Variants in GRIK2 observed in about 807,000 individuals in gnomAD.
GRIK2 encodes the protein glutamate receptor ionotropic, kainate 2.
A neutral mutation model predicts 100.3 loss-of-function variants in GRIK2; 32 were observed. The observed-to-expected ratio is 0.32, with a 90% CI of 0.24 to 0.43. The LOEUF is 0.43. GRIK2 is among the 20% of genes least tolerant of loss of function. The pLI is 1.00. For missense variants in GRIK2, 843 were observed against 1,114.9 expected, an observed-to-expected ratio of 0.76 and a Z score of 3.47; for synonymous variants, 417 against 389.4, an observed-to-expected ratio of 1.07 and a Z score of -0.83.
At chr6:101,586,549 C>G (rs192838201) in intron 2 of GRIK2, among the ~76,000 whole-genome samples, 1 of 151,908 alleles carries the variant, frequency 6.6e-6, no homozygotes, top group South Asian at 2.1e-4. Context: ...CCAACTCCCT[C>G]TCCACCCTGC....
chr6:101,414,195 G>T (rs948787628), intron 2 of GRIK2, among the ~76,000 whole-genome samples: 1 of 152,164 alleles, frequency 6.6e-6, no homozygotes, highest in Non-Finnish European at 1.5e-5. Flanking sequence ...TAAACCTGTT[G>T]TTTGCATCTT....
At chr6:101,528,418 G>A (rs1288040189) in intron 2 of GRIK2, among the ~76,000 whole-genome samples, 1 of 152,128 alleles carries the variant, frequency 6.6e-6, no homozygotes, top group Admixed American at 6.6e-5. Context: ...ACTATAATTA[G>A]CTCAGGTCAA....
At chr6:101,821,435 T>G (rs1476507150) in intron 10 of GRIK2, among the ~76,000 whole-genome samples, 1 of 152,112 alleles carries the variant, frequency 6.6e-6, no homozygotes, top group Non-Finnish European at 1.5e-5. Flanking sequence ...TTTTTTAATT[T>G]TCACAGGTAA....
At chr6:101,645,870 TTA>T (rs1781502232) in intron 4 of GRIK2, among the ~76,000 whole-genome samples, 2 of 151,950 alleles carry the variant, frequency 1.3e-5, no homozygotes, top group African/African-American at 4.8e-5. Context: ...TTTCTGCTCT[TTA>T]CTGACTAACA....
chr6:101,794,645 T>A (rs1165509698), intron 7 of GRIK2, among the ~76,000 whole-genome samples: 1 of 151,914 alleles, frequency 6.6e-6, no homozygotes, highest in Non-Finnish European at 1.5e-5. Context: ...TTTTTCTTTG[T>A]ATTGTTTTTC....
chr6:101,623,650 A>T (rs926445079), intron 3 of GRIK2, among the ~76,000 whole-genome samples: 2 of 152,162 alleles, frequency 1.3e-5, no homozygotes, highest in African/African-American at 4.8e-5. Context: ...TATCCTGGGA[A>T]TGCCCTAGCA....
At chr6:101,426,857 A>G (rs1199530751) in intron 2 of GRIK2, among the ~76,000 whole-genome samples, 1 of 152,184 alleles carries the variant, frequency 6.6e-6, no homozygotes, top group Non-Finnish European at 1.5e-5. Flanking sequence ...TTAAAGTCCT[A>G]CATAATCAGA....
At chr6:101,418,198 A>G (rs1776240627) in intron 2 of GRIK2, among the ~76,000 whole-genome samples, 1 of 152,182 alleles carries the variant, frequency 6.6e-6, no homozygotes, top group African/African-American at 2.4e-5. Flanking sequence ...TGGCTTGGGT[A>G]TTAGTATAGT....
intron 4 of GRIK2, among the ~76,000 whole-genome samples, chr6:101,638,981 T>C (rs936014151): frequency 1.3e-5 from 2 of 152,116 alleles, no homozygotes; most frequent in Non-Finnish European, 2.9e-5. Flanking sequence ...AGTCAGATTC[T>C]GTTTCAAACA....
At chr6:101,914,844 ATATAT>A (rs1322532240) in intron 12 of GRIK2, among the ~76,000 whole-genome samples, 2 of 151,552 alleles carry the variant, frequency 1.3e-5, no homozygotes, top group African/African-American at 4.8e-5. Flanking sequence ...TTGTAAACTG[ATATAT>A]TATTTCTTAG....
intron 2 of GRIK2, among the ~76,000 whole-genome samples, chr6:101,560,229 G>A (rs368157742): frequency 6.6e-6 from 1 of 151,952 alleles, no homozygotes; most frequent in Admixed American, 6.6e-5. Flanking sequence ...AATATTCTAA[G>A]TTTATTTTCC....
chr6:101,442,593 A>T (rs918435669), intron 2 of GRIK2, among the ~76,000 whole-genome samples: 2 of 152,222 alleles, frequency 1.3e-5, no homozygotes, highest in African/African-American at 4.8e-5. Flanking sequence ...AGTATAAAAC[A>T]CAAAGAGTGA....
At chr6:101,687,853 A>G (rs932820178) in intron 7 of GRIK2, among the ~76,000 whole-genome samples, 2 of 151,604 alleles carry the variant, frequency 1.3e-5, no homozygotes, top group African/African-American at 2.4e-5. Flanking sequence ...AAATACCTAA[A>G]TAACTTAAAA....
chr6:102,015,484 A>G (rs572131224), intron 14 of GRIK2, among the ~76,000 whole-genome samples: 2 of 152,250 alleles, frequency 1.3e-5, no homozygotes, highest in South Asian at 4.1e-4. Context: ...CCTACACCAG[A>G]GCCCTGCCCT....
chr6:101,803,053 A>G (rs1331387752), intron 9 of GRIK2, among the ~76,000 whole-genome samples: 3 of 151,846 alleles, frequency 2.0e-5, no homozygotes, highest in Non-Finnish European at 4.4e-5. Context: ...ATGTATTTAG[A>G]TATTTTTCTG....
chr6:101,760,548 TATTATATATAATTAATTATATTTAATTA>T (rs1562364227), intron 7 of GRIK2, among the ~76,000 whole-genome samples: 2 of 88,596 alleles, frequency 2.3e-5, no homozygotes, highest in East Asian at 2.9e-4. Flanking sequence ...ATTATATATT[TATTATATATAATTAATTATATTTAATTA>T]ATTATATATA....
At chr6:101,732,256 C>G (rs1373319539) in intron 7 of GRIK2, among the ~76,000 whole-genome samples, 1 of 151,754 alleles carries the variant, frequency 6.6e-6, no homozygotes, top group Non-Finnish European at 1.5e-5. Flanking sequence ...CAATCAACTT[C>G]CTATTTGGAT....
intron 2 of GRIK2, among the ~76,000 whole-genome samples, chr6:101,495,301 C>G (rs376439388): frequency 5.9e-5 from 9 of 151,720 alleles, no homozygotes; most frequent in African/African-American, 1.5e-4. Context: ...GTTAGGAGAT[C>G]GAGACCATCC....
chr6:101,492,029 A>G (rs539255017), intron 2 of GRIK2, among the ~76,000 whole-genome samples: 1 of 152,048 alleles, frequency 6.6e-6, no homozygotes, highest in South Asian at 2.1e-4. Flanking sequence ...GTTAGGATGT[A>G]GCAGTATTAG....
Sources: allele counts gnomAD v4.1 joint callset (sites outside exome capture counted in the v4.1 genomes callset), GRCh38; gene constraint gnomAD v4.1.1; transcripts MANE v1.5; gene names NCBI Gene and HGNC (gene_info 2026-07-23, HGNC 2026-07-21).